Variants in CCNG1 observed in about 807,000 individuals in gnomAD.
The protein encoded by CCNG1 is cyclin G1, also known as cyclin-G1.
In CCNG1, 13 loss-of-function variants were observed where a neutral mutation model predicts 30.0. That is an observed-to-expected ratio of 0.43 (90% CI 0.28 to 0.69). CCNG1 has a LOEUF of 0.69. Ranked by LOEUF, CCNG1 falls within the 30% of genes least tolerant of loss-of-function variation. The probability of loss-of-function intolerance (pLI) is 0.16; values close to 1 mark genes in which losing one functional copy is unlikely to be tolerated. For synonymous variants in CCNG1, 110 were observed against 121.5 expected (o/e 0.91, Z 0.62); for missense variants, 285 against 331.4 (o/e 0.86, Z 1.09).
Position 163,439,370 on chromosome 5 carries a change from G to A in CCNG1, c.114G>A (p.Glu38=), listed in dbSNP as rs778976832. 3.1e-6 allele frequency: 5 copies of A among 1,614,094 alleles called. No homozygotes were observed. The South Asian group carries it at 3.3e-5, about 11-fold the overall frequency. ...QPKVCGLRLI[E]SAHDNGLRMT... The stretch of plus-strand genomic sequence containing the variant: ...AGGTCTGTGGTTTGAGACTAATTGA[G>A]TCTGCACACGATAATGGCCTCAGAA... Residue 38 remains glutamate (E), a synonymous_variant, in exon 2 of 7, where the codon GAG becomes GAA. Coordinates refer to ENST00000340828, the MANE Select transcript of CCNG1 (RefSeq NM_004060.4).
At chr5:163,452,522 A>G in the CCNG1 span, 1 of 152,122 alleles carries the variant, frequency 6.6e-6, no homozygotes, top group Non-Finnish European at 1.5e-5. Flanking sequence ...TGCTGAATAA[A>G]ATAGAAAATA....
downstream of CCNG1, chr5:163,447,882 G>A (rs918579178): frequency 1.3e-5 from 2 of 152,134 alleles, no homozygotes; most frequent in African/African-American, 4.8e-5. Flanking sequence ...TAAAATAAAT[G>A]AAAATATCAC....
downstream of CCNG1, chr5:163,448,232 A>G (rs1307009025): frequency 6.6e-6 from 1 of 152,068 alleles, no homozygotes; most frequent in South Asian, 2.1e-4. Flanking sequence ...AATAAATGCA[A>G]TTGTAAACAA....
Position 163,442,482 on chromosome 5 carries a change from G to T in CCNG1, c.805G>T (p.Val269Phe). 7.4e-6 allele frequency: 12 copies of T among 1,614,026 alleles called. No individual in the cohort carries two copies. Among genetic ancestry groups the T allele is most frequent in the Non-Finnish European group, 9.3e-6 (11 of 1,179,938 alleles). Residue 269 changes from valine to phenylalanine, a missense_variant, in exon 6 of 7, where the codon GTT (valine) becomes TTT (phenylalanine). Physicochemically the swap from Val to Phe is conservative, Grantham distance 50. Transcript: ENST00000340828. ...KPNVQKLKWIVSGRTARQLKH... is the reference protein window; with the variant it reads ...KPNVQKLKWIFSGRTARQLKH... The stretch of plus-strand genomic sequence containing the variant: ...AAATGTTCAGAAGTTGAAATGGATT[G>T]TTTCTGGGCGTACTGCACGGCAATT...
At position 163,439,454 on chromosome 5, in the gene CCNG1, T is replaced by C. The variant is rs1213676474; in HGVS notation, c.198T>C (p.Phe66=). ...ATCTTCTTAGTCTAACTCAGTTCTTTGGCTTTGACACAGAGACATTTTCTC... is the reference window on the plus strand; with the variant it reads ...ATCTTCTTAGTCTAACTCAGTTCTTCGGCTTTGACACAGAGACATTTTCTC... ...VKDLLSLTQF[F]GFDTETFSLA... is the part of the protein sequence containing the mutation. The change falls in exon 2 of 7, where the codon TTT becomes TTC. Residue 66 remains phenylalanine (F), a synonymous_variant. Coordinates refer to ENST00000340828, the MANE Select transcript of CCNG1 (RefSeq NM_004060.4). 15 of 1,614,112 alleles carry C rather than the reference T, an allele frequency of 9.3e-6. No individual in the cohort carries two copies. Among genetic ancestry groups the C allele is most frequent in the Non-Finnish European group, 1.3e-5 (15 of 1,179,926 alleles).
chr5:163,457,099 C>T, the CCNG1 span: 1 of 1,566,864 alleles, frequency 6.4e-7, no homozygotes, highest in Admixed American at 2.0e-5. Context: ...AAAACACACA[C>T]ACACACACGC....
chr5:163,441,850 T>C, intron 3 of CCNG1, 36 bp from the exon 4 acceptor site: 2 of 1,276,570 alleles, frequency 1.6e-6, no homozygotes, highest in Non-Finnish European at 2.3e-6. Flanking sequence ...AGATGTAGTA[T>C]TACCTAATAA....
downstream of CCNG1, chr5:163,449,123 A>C (rs1758114623): frequency 3.3e-5 from 5 of 152,342 alleles, no homozygotes; most frequent in African/African-American, 9.6e-5. Context: ...AGAATAAAAT[A>C]AAACTGTTCC....
chr5:163,443,029 G>A (rs1421907350), intron 6 of CCNG1, among the ~76,000 whole-genome samples: 2 of 152,178 alleles, frequency 1.3e-5, no homozygotes, highest in Non-Finnish European at 2.9e-5. Context: ...AAAAAAGTAG[G>A]CCGGATGCAG....
At position 163,441,212 on chromosome 5, in the gene CCNG1, C is replaced by T; in HGVS notation, c.399C>T (p.Asp133=). ...GTCAATATAGGTTTACGGTTTCAGACTTGATGAGAATGGAAAAGATTGTAT... is the reference window on the plus strand; with the variant it reads ...GTCAATATAGGTTTACGGTTTCAGATTTGATGAGAATGGAAAAGATTGTAT... ...RISQYRFTVS[D]LMRMEKIVLE... The change falls in exon 3 of 7, where the codon GAC becomes GAT. Residue 133 remains aspartate, a synonymous_variant. Transcript: ENST00000340828. The T allele has an allele frequency of 1.9e-6, 3 of 1,613,962 alleles. No individual in the cohort carries two copies. The highest frequency in any genetic ancestry group is 2.5e-6 in the Non-Finnish European group (3 of 1,179,910).
In CCNG1 at chr5:163,443,755, T is replaced by A; in HGVS notation, c.*85T>A. 6.7e-7 allele frequency: 1 copy of A among 1,491,732 alleles called. No individual in the cohort carries two copies. Among genetic ancestry groups the A allele is most frequent in the Non-Finnish European group, 9.0e-7 (1 of 1,111,386 alleles). 92.4% of individuals were successfully genotyped at this position (1,491,732 alleles called of 1,614,324 possible). A position where few individuals can be genotyped will look rare whatever the true frequency, so the allele number is the denominator to read the frequency against. ...GGATTCCATAATGTTACAATGGATT[T>A]AAGCTATGAAGCCTCAAAACATCAC... On this transcript the variant is annotated 3_prime_UTR_variant, in exon 7 of 7. Coordinates refer to ENST00000340828, the MANE Select transcript of CCNG1 (RefSeq NM_004060.4).
the CCNG1 span, chr5:163,453,361 CTCTTT>C: frequency 2.6e-5 from 4 of 152,288 alleles, no homozygotes; most frequent in East Asian, 3.9e-4. Context: ...GATCACACTT[CTCTTT>C]TGTGTTAATC....
chr5:163,446,304 C>CT (rs1270068777), downstream of CCNG1, among the ~76,000 whole-genome samples: 1 of 152,258 alleles, frequency 6.6e-6, no homozygotes, highest in Non-Finnish European at 1.5e-5. Flanking sequence ...AATTTTTACT[C>CT]TCTGGTACTA....
rs1485707768 is a variant in CCNG1 at position 163,442,432 on chromosome 5, AT to A, written c.757del (p.Ser253HisfsTer13). ...QELVSKCLTE[Y>X]SSNKCSKPNV... ...CTTGTATCCAAATGTTTAACTGAAT[AT>A]TCATCAAATAAGTGTTCCAAACCAA... On this transcript the variant is annotated frameshift_variant, in exon 6 of 7. Transcript: ENST00000340828. LOFTEE classifies it high-confidence loss of function. The A allele has an allele frequency of 6.2e-7, 1 of 1,614,060 alleles. No individual in the cohort carries two copies. Among genetic ancestry groups the A allele is most frequent in the Admixed American group, 1.7e-5 (1 of 60,014 alleles).
At chr5:163,437,587 G>A (rs1386812928), upstream of CCNG1, 4 of 152,142 alleles carry the variant, frequency 2.6e-5, no homozygotes, top group Non-Finnish European at 5.9e-5. Context: ...CGTTAGGGCA[G>A]GCGCGGCCCC....
the CCNG1 span, chr5:163,457,095 C>A: frequency 1.3e-6 from 2 of 1,561,408 alleles, no homozygotes; most frequent in Non-Finnish European, 8.6e-7. Flanking sequence ...AAAAAAAACA[C>A]ACACACACAC....
At chr5:163,441,392 T>TGATTTTA in intron 3 of CCNG1, 61 bp downstream of exon 3, 1 of 1,437,422 alleles carries the variant, frequency 7.0e-7, no homozygotes, top group South Asian at 1.3e-5. Flanking sequence ...TGTATGGATA[T>TGATTTTA]TGCATAAAAT....
At position 163,441,324 on chromosome 5, in the gene CCNG1, C is replaced by A. The variant is rs1398886580; in HGVS notation, c.511C>A (p.Leu171Ile). Residue 171 changes from leucine to isoleucine, a missense_variant, in exon 3 of 7, where the codon CTT becomes ATT. Leu to Ile is a conservative substitution (Grantham distance 5). Coordinates refer to ENST00000340828, the MANE Select transcript of CCNG1 (RefSeq NM_004060.4). ...YYSLLQENLP[L>I]ERRNSINFER... ...TTCACTCCTTCAAGAGAACTTGCCA[C>A]TTGAAAGGTAAGTGACCTTTGTTTT... 2 of 1,613,210 alleles carry A rather than the reference C, an allele frequency of 1.2e-6. No homozygotes were observed. Among genetic ancestry groups the A allele is most frequent in the African/African-American group, 2.7e-5 (2 of 74,874 alleles).
At chr5:163,452,075 T>C in the CCNG1 span, 1 of 149,866 alleles carries the variant, frequency 6.7e-6, no homozygotes, top group Non-Finnish European at 1.5e-5. Flanking sequence ...ACCCCACAAA[T>C]AATCAAATAG....
Sources: gnomAD v4.1 joint callset for allele counts (sites outside exome capture counted in the v4.1 genomes callset) on GRCh38, gnomAD v4.1.1 for gene constraint, MANE v1.5 for transcripts, NCBI Gene and HGNC (gene_info 2026-07-23, HGNC 2026-07-21) for gene names.